ZNF676: variants seen among roughly 807,000 people sequenced by gnomAD.
ZNF676 encodes zinc finger protein 676.
Under a neutral mutation model 6.0 loss-of-function variants are expected in ZNF676, and 4 were observed. That is an observed-to-expected ratio of 0.67 (90% confidence interval 0.33 to 1.53). ZNF676 has a LOEUF of 1.53. Ranked by LOEUF, ZNF676 falls within the 40% of genes most tolerant of loss-of-function variation. ZNF676 has a pLI of 0.06. For missense variants in ZNF676, 644 were observed against 679.7 expected (o/e 0.95, Z 0.58); for synonymous variants, 198 against 223.1 (o/e 0.89, Z 1.00).
the ZNF676 span, among the ~76,000 whole-genome samples, chr19:22,246,891 T>C: frequency 0.92 from 140,427 of 152,290 alleles, 65,757 homozygotes; most frequent in East Asian, 1. Context: ...ACAAGAATTA[T>C]ATTAGCTGCT....
intron 1 of ZNF676, among the ~76,000 whole-genome samples, chr19:22,194,946 C>A (rs561452521): frequency 6.6e-6 from 1 of 152,238 alleles, no homozygotes; most frequent in Non-Finnish European, 1.5e-5. Context: ...ATTTGGGGAC[C>A]TATACCAGCA....
chr19:22,236,323 A>G, the ZNF676 span, among the ~76,000 whole-genome samples: 1 of 152,038 alleles, frequency 6.6e-6, no homozygotes, highest in Non-Finnish European at 1.5e-5. Flanking sequence ...GAGTCTTGGG[A>G]CCCACTTGAT....
chr19:22,250,820 TCCTGCCTCAGCTG>T, the ZNF676 span, among the ~76,000 whole-genome samples: 1 of 152,084 alleles, frequency 6.6e-6, no homozygotes, highest in Non-Finnish European at 1.5e-5. Flanking sequence ...CAAGTGATCC[TCCTGCCTCAGCTG>T]CCTGAGTAAC....
chr19:22,245,161 A>G, the ZNF676 span: 1 of 152,170 alleles, frequency 6.6e-6, no homozygotes, highest in Non-Finnish European at 1.5e-5. Flanking sequence ...CCCAGGAAGG[A>G]AAGTCACATC....
chr19:22,196,610 C>A lies in ZNF676; in HGVS notation c.24G>T (p.Leu8=). Residue 8 remains leucine (L), a synonymous_variant, in exon 1 of 3, where the codon CTG becomes CTT. Transcript: ENST00000397121. The part of the protein sequence containing the change: MLENYRN[L]VFLGIAAFKP... ...TAAAGTTATTCTCACCCAGGAAGAC[C>A]AGGTTTCTGTAGTTCTCTAACATCA... The A allele has an allele frequency of 3.1e-6, 5 of 1,613,676 alleles. No homozygotes were observed. The highest frequency in any genetic ancestry group is 4.2e-6 in the Non-Finnish European group (5 of 1,179,694).
chr19:22,242,453 G>A, the ZNF676 span, among the ~76,000 whole-genome samples: 1 of 151,976 alleles, frequency 6.6e-6, no homozygotes, highest in African/African-American at 2.4e-5. Flanking sequence ...CTTGGGTCAT[G>A]ATGCAGAGAT....
the ZNF676 span, among the ~76,000 whole-genome samples, chr19:22,242,723 T>C: frequency 2.0e-5 from 3 of 151,596 alleles, no homozygotes; most frequent in Non-Finnish European, 4.4e-5. Flanking sequence ...CAGAAAGGAG[T>C]GTAACCTCAC....
Position 22,205,777 on chromosome 19 carries a change from T to C in ZNF676, c.4-9051A>G, listed in dbSNP as rs191967969. Among the ~76,000 whole-genome samples, 789 of 151,952 alleles carry C rather than the reference T, an allele frequency of 5.2e-3. 8 individuals are homozygous for C. Among genetic ancestry groups the C allele is most frequent in the African/African-American group, 0.018 (754 of 41,474 alleles). On this transcript the variant is annotated intron_variant, in intron 1 of 3. Coordinates refer to the ZNF676 transcript ENST00000650058. ...AGAGCAACAAAAGCAAATCAGCCCCTAAGCTAGCAAAAGACAAGAAATAAC... is the reference window on the plus strand; with the variant it reads ...AGAGCAACAAAAGCAAATCAGCCCCCAAGCTAGCAAAAGACAAGAAATAAC...
intron 1 of ZNF676, among the ~76,000 whole-genome samples, chr19:22,211,556 C>A (rs1321495389): frequency 6.6e-6 from 1 of 152,008 alleles, no homozygotes; most frequent in Admixed American, 6.6e-5. Flanking sequence ...GTATTTATTT[C>A]TTTTGGACAA....
At chr19:22,246,068 T>A in the ZNF676 span, among the ~76,000 whole-genome samples, 5 of 152,202 alleles carry the variant, frequency 3.3e-5, no homozygotes, top group Admixed American at 1.3e-4. Context: ...ACAAGGAGAA[T>A]CATAACACCT....
chr19:22,210,720 T>TCTTC (rs1269088369), intron 1 of ZNF676, among the ~76,000 whole-genome samples: 1 of 152,162 alleles, frequency 6.6e-6, no homozygotes, highest in African/African-American at 2.4e-5. Context: ...CATATTTTCT[T>TCTTC]TTCTCGTTAA....
the ZNF676 span, among the ~76,000 whole-genome samples, chr19:22,255,589 T>C: frequency 1.3e-5 from 2 of 152,136 alleles, no homozygotes; most frequent in African/African-American, 2.4e-5. Context: ...CTCACACTTG[T>C]AATGCCAGCA....
At chr19:22,224,111 C>T in the ZNF676 span, among the ~76,000 whole-genome samples, 1 of 149,870 alleles carries the variant, frequency 6.7e-6, no homozygotes, top group Non-Finnish European at 1.5e-5. Flanking sequence ...AAATACCTGC[C>T]TTCCATGAGT....
chr19:22,228,161 C>A, the ZNF676 span, among the ~76,000 whole-genome samples: 3 of 152,180 alleles, frequency 2.0e-5, no homozygotes, highest in Admixed American at 1.3e-4. Context: ...CCACCATGAT[C>A]CAGTCAGCTT....
intron 1 of ZNF676, among the ~76,000 whole-genome samples, chr19:22,213,760 A>ATGAGAGGCTACACTCCATACCTCTG (rs2024156118): frequency 6.6e-6 from 1 of 152,168 alleles, no homozygotes; most frequent in African/African-American, 2.4e-5. Context: ...GTCTTATGGG[A>ATGAGAGGCTACACTCCATACCTCTG]GAAAATGACC....
chr19:22,203,370 T>C (rs1467632991), intron 1 of ZNF676: 2 of 153,594 alleles, frequency 1.3e-5, no homozygotes, highest in African/African-American at 4.8e-5. Flanking sequence ...CTGAAACAGA[T>C]ACACAATGCA....
At chr19:22,229,060 AG>A in the ZNF676 span, among the ~76,000 whole-genome samples, 7 of 152,338 alleles carry the variant, frequency 4.6e-5, no homozygotes, top group South Asian at 1.5e-3. Flanking sequence ...CTAAACAAAA[AG>A]AACAAAGCTG....
At chr19:22,217,266 G>A (rs186032064), upstream of ZNF676, among the ~76,000 whole-genome samples, 8 of 152,150 alleles carry the variant, frequency 5.3e-5, no homozygotes, top group African/African-American at 1.7e-4. Flanking sequence ...ACAGTGGCGC[G>A]ATCTCAGCTC....
At chr19:22,196,361 C>G (rs545151327) in intron 1 of ZNF676, among the ~76,000 whole-genome samples, 1 of 152,182 alleles carries the variant, frequency 6.6e-6, no homozygotes, top group South Asian at 2.1e-4. Context: ...TTAAGTCAAG[C>G]AGCTGACCAC....
Sources: gnomAD v4.1 joint callset for allele counts (sites outside exome capture counted in the v4.1 genomes callset) on GRCh38, gnomAD v4.1.1 for gene constraint, MANE v1.5 for transcripts, NCBI Gene and HGNC (gene_info 2026-07-23, HGNC 2026-07-21) for gene names.